The following CNTNAP4 variants were observed in gnomAD, a reference collection of about 807,000 sequenced individuals.
CNTNAP4 encodes contactin-associated protein-like 4.
A neutral mutation model predicts 148.4 loss-of-function variants in CNTNAP4; 98 were observed. That is an observed-to-expected ratio of 0.66 (90% CI 0.56 to 0.78). The LOEUF (loss-of-function observed/expected upper bound fraction) is 0.78, where lower values mean the gene tolerates loss of function less well. Ranked by LOEUF, CNTNAP4 falls within the 30% of genes least tolerant of loss-of-function variation. CNTNAP4 has a pLI of 0.00. For missense variants in CNTNAP4, 1,935 were observed against 1,565.6 expected (o/e 1.24, Z -3.98); for synonymous variants, 730 against 565.1 (o/e 1.29, Z -4.14).
intron 21 of CNTNAP4, among the ~76,000 whole-genome samples, chr16:76,551,127 T>C (rs2084935701): frequency 6.6e-6 from 1 of 152,138 alleles, no homozygotes; most frequent in African/African-American, 2.4e-5. Context: ...TAGATATAAC[T>C]GGCCAGGTGC....
At position 76,536,996 on chromosome 16, in the gene CNTNAP4, A is replaced by T. The variant is rs562976707; in HGVS notation, c.2996-1120A>T. Among the ~76,000 whole-genome samples the T allele has an allele frequency of 6.5e-4, 99 of 152,316 alleles. 1 individual carries two copies. The highest frequency in any genetic ancestry group is 2.2e-3 in the African/African-American group (91 of 41,590). ...GATGAGTTAATAAAAAGATGGCCAAATGCTCTTTTCAAGTCATCTGCTTTT... is the reference window on the plus strand; with the variant it reads ...GATGAGTTAATAAAAAGATGGCCAATTGCTCTTTTCAAGTCATCTGCTTTT... On this transcript the variant is annotated intron_variant, in intron 18 of 23. Coordinates refer to ENST00000611870, the MANE Select transcript of CNTNAP4 (RefSeq NM_033401.5).
intron 3 of CNTNAP4, among the ~76,000 whole-genome samples, chr16:76,372,770 A>T (rs573027993): frequency 3.9e-5 from 6 of 152,184 alleles, no homozygotes; most frequent in Non-Finnish European, 7.3e-5. Flanking sequence ...ACAGCATGAA[A>T]ATGGACTAAT....
chr16:76,402,530 A>G lies in CNTNAP4; in HGVS notation c.391-24922A>G, dbSNP rs150118647. On this transcript the variant is annotated intron_variant, in intron 3 of 23. Transcript: ENST00000611870. ...CCTCCTGAATTTGTTGAACTTTTGAATGGCTTTTCGTTTCTTGATTTCCTT... is the reference window on the plus strand; with the variant it reads ...CCTCCTGAATTTGTTGAACTTTTGAGTGGCTTTTCGTTTCTTGATTTCCTT... Among the ~76,000 whole-genome samples the G allele has an allele frequency of 5.4e-3, 816 of 152,012 alleles. 11 individuals are homozygous for G. The highest frequency in any genetic ancestry group is 0.019 in the African/African-American group (785 of 41,494).
chr16:76,310,571 C>T (rs1003329232), intron 1 of CNTNAP4, among the ~76,000 whole-genome samples: 1 of 152,162 alleles, frequency 6.6e-6, no homozygotes, highest in Non-Finnish European at 1.5e-5. Flanking sequence ...CTTTCCAAAG[C>T]TTCCTGTCAA....
chr16:76,507,155 T>C (rs1228510267), intron 15 of CNTNAP4, among the ~76,000 whole-genome samples: 1 of 91,676 alleles, frequency 1.1e-5, no homozygotes, highest in African/African-American at 2.8e-5. Context: ...AGGCATGCAA[T>C]GTGTAATAAT....
intron 3 of CNTNAP4, among the ~76,000 whole-genome samples, chr16:76,379,322 C>T (rs1253472384): frequency 1.3e-5 from 2 of 152,118 alleles, no homozygotes; most frequent in Admixed American, 6.5e-5. Context: ...TATATCTTAC[C>T]CCACCTCCCT....
At chr16:76,445,140 G>C (rs950459634) in intron 4 of CNTNAP4, among the ~76,000 whole-genome samples, 4 of 152,186 alleles carry the variant, frequency 2.6e-5, no homozygotes, top group African/African-American at 9.7e-5. Flanking sequence ...ATGGGGACAA[G>C]TTATAGGACT....
chr16:76,512,290 A>C (rs148656045), intron 15 of CNTNAP4, among the ~76,000 whole-genome samples: 2 of 152,286 alleles, frequency 1.3e-5, no homozygotes, highest in East Asian at 3.9e-4. Context: ...CTCAGGTTTT[A>C]GTGAGATTAA....
At chr16:76,302,562 T>C (rs1960086800) in intron 1 of CNTNAP4, among the ~76,000 whole-genome samples, 1 of 152,172 alleles carries the variant, frequency 6.6e-6, no homozygotes, top group Non-Finnish European at 1.5e-5. Context: ...TCTCTGACCT[T>C]TAGACCTTTT....
At chr16:76,388,514 A>T (rs201421546) in intron 3 of CNTNAP4, among the ~76,000 whole-genome samples, 8 of 152,236 alleles carry the variant, frequency 5.3e-5, no homozygotes, top group African/African-American at 1.9e-4. Flanking sequence ...TCTTTAATGT[A>T]TCAGTCAATT....
intron 9 of CNTNAP4, among the ~76,000 whole-genome samples, 151 bp downstream of exon 9, chr16:76,462,256 T>A (rs999315982): frequency 1.3e-5 from 2 of 152,212 alleles, no homozygotes; most frequent in African/African-American, 4.8e-5. Flanking sequence ...GTGGATCAAG[T>A]CGAAAAATTC....
At chr16:76,493,629 TG>T (rs2082301662) in intron 13 of CNTNAP4, among the ~76,000 whole-genome samples, 2 of 152,198 alleles carry the variant, frequency 1.3e-5, no homozygotes, top group Non-Finnish European at 2.9e-5. Flanking sequence ...TTTTAATCTA[TG>T]AAAACTTAAT....
At position 76,479,403 on chromosome 16, in the gene CNTNAP4, AT is replaced by A; in HGVS notation, c.1763-8del. ...ATTTCATGCTATTCCATTAATGATG[AT>A]TTTTTTTCTTAAAGCTATCTATGAG... On this transcript the variant is annotated splice_polypyrimidine_tract_variant and intron_variant, in intron 11 of 23. Transcript: ENST00000611870. 4 of 1,563,544 alleles carry A rather than the reference AT, an allele frequency of 2.6e-6. No homozygotes were observed. The highest frequency in any genetic ancestry group is 2.6e-6 in the Non-Finnish European group (3 of 1,155,842).
intron 13 of CNTNAP4, among the ~76,000 whole-genome samples, chr16:76,492,184 A>G (rs1339083746): frequency 6.6e-6 from 1 of 152,196 alleles, no homozygotes; most frequent in Non-Finnish European, 1.5e-5. Context: ...GACATGGTAT[A>G]CAGAATGATT....
chr16:76,511,297 C>A (rs1401480424), intron 15 of CNTNAP4, among the ~76,000 whole-genome samples: 1 of 152,160 alleles, frequency 6.6e-6, no homozygotes, highest in Non-Finnish European at 1.5e-5. Flanking sequence ...CCAAAAAATT[C>A]TTGAGTCACT....
intron 3 of CNTNAP4, among the ~76,000 whole-genome samples, chr16:76,356,306 T>C (rs965263480): frequency 6.6e-6 from 1 of 151,940 alleles, no homozygotes; most frequent in African/African-American, 2.4e-5. Context: ...GAGTTGTATA[T>C]GTATGTATAT....
chr16:76,376,707 A>T (rs963111631), intron 3 of CNTNAP4, among the ~76,000 whole-genome samples: 8 of 152,300 alleles, frequency 5.3e-5, no homozygotes, highest in African/African-American at 1.9e-4. Context: ...ATAGACATTT[A>T]GGACCCAGGG....
In CNTNAP4 at chr16:76,384,543, G is replaced by A. The variant is rs145596126; in HGVS notation, c.390+29032G>A. Among the ~76,000 whole-genome samples the A allele has an allele frequency of 1.7e-4, 26 of 152,272 alleles. No individual in the cohort carries two copies. The East Asian group carries it at 4.5e-3, about 26-fold the overall frequency. ...GTGCCATGTAGCTTTGGTTGTGACT[G>A]ACTTGCTTTTCATTCTCCCGCACTT... is the stretch of plus-strand genomic sequence containing the variant. On this transcript the variant is annotated intron_variant, in intron 3 of 23. Coordinates refer to ENST00000611870, the MANE Select transcript of CNTNAP4 (RefSeq NM_033401.5).
chr16:76,521,061 C>A, intron 15 of CNTNAP4, 79 bp from the exon 16 acceptor site: 2 of 1,304,114 alleles, frequency 1.5e-6, no homozygotes, highest in Non-Finnish European at 2.1e-6. Context: ...AAAAATAGAA[C>A]ATGTAATTGT....
Sources: allele counts gnomAD v4.1 joint callset (sites outside exome capture counted in the v4.1 genomes callset), GRCh38; gene constraint gnomAD v4.1.1; transcripts MANE v1.5; gene names NCBI Gene and HGNC (gene_info 2026-07-23, HGNC 2026-07-21).